Variants in FOXP1 observed in about 807,000 individuals in gnomAD.
FOXP1 encodes the protein forkhead box P1.
In FOXP1, 15 loss-of-function variants were observed where a neutral mutation model predicts 98.2. That is an observed-to-expected ratio of 0.15 (90% CI 0.10 to 0.24). FOXP1 has a LOEUF of 0.24. Ranked by LOEUF, FOXP1 falls within the 10% of genes least tolerant of loss-of-function variation. FOXP1 has a pLI of 1.00. For missense variants in FOXP1, 633 were observed against 848.5 expected, an observed-to-expected ratio of 0.75 and a Z score of 3.15; for synonymous variants, 371 against 314.5, an observed-to-expected ratio of 1.18 and a Z score of -1.90.
chr3:71,113,757 T>TAAAATAAAATAAAATAAAATAAAAC (rs1237178658), intron 6 of FOXP1, among the ~76,000 whole-genome samples: 1 of 150,384 alleles, frequency 6.6e-6, no homozygotes, highest in Admixed American at 6.6e-5. Flanking sequence ...TAAAATAAAA[T>TAAAATAAAATAAAATAAAATAAAAC]AAAAGGTCAA....
At chr3:71,077,790 C>T (rs951119991) in intron 7 of FOXP1, among the ~76,000 whole-genome samples, 1 of 151,958 alleles carries the variant, frequency 6.6e-6, no homozygotes, top group Non-Finnish European at 1.5e-5. Flanking sequence ...TTACTCCCCT[C>T]TCACTTCCTC....
At chr3:71,112,900 T>C (rs2058058092) in intron 6 of FOXP1, among the ~76,000 whole-genome samples, 1 of 152,082 alleles carries the variant, frequency 6.6e-6, no homozygotes, top group African/African-American at 2.4e-5. Flanking sequence ...AGATCTGACA[T>C]GAAATTTAAG....
At chr3:71,251,204 G>A (rs1236179210) in intron 5 of FOXP1, among the ~76,000 whole-genome samples, 1 of 152,212 alleles carries the variant, frequency 6.6e-6, no homozygotes, top group Non-Finnish European at 1.5e-5. Context: ...CACATTGAAT[G>A]TAAACTGTGT....
chr3:71,330,818 C>T (rs2076246623), intron 4 of FOXP1, among the ~76,000 whole-genome samples: 1 of 152,232 alleles, frequency 6.6e-6, no homozygotes, highest in Admixed American at 6.5e-5. Flanking sequence ...TTTGCAGAAG[C>T]ACAGTTTTTG....
At chr3:71,396,367 T>C (rs1394364362) in intron 3 of FOXP1, among the ~76,000 whole-genome samples, 1 of 152,146 alleles carries the variant, frequency 6.6e-6, no homozygotes, top group African/African-American at 2.4e-5. Flanking sequence ...GTTAGTTTAA[T>C]CAACTCAAGT....
In FOXP1 at chr3:71,207,757, T is replaced by A. The variant is rs149458697; in HGVS notation, c.-11-9365A>T. On this transcript the variant is annotated intron_variant, in intron 5 of 20. Coordinates refer to ENST00000649528, the MANE Select transcript of FOXP1 (RefSeq NM_001349338.3). Reference sequence around the variant, plus strand: ...ATAACTTAAAAAAAAAATGATGATATGATGCGAGCTGAGAGTTTTCTCTAC... The same window carrying A: ...ATAACTTAAAAAAAAAATGATGATAAGATGCGAGCTGAGAGTTTTCTCTAC... Among the ~76,000 whole-genome samples the A allele has an allele frequency of 1.1e-3, 171 of 152,166 alleles. 2 individuals carry two copies. The East Asian group carries it at 0.028, about 25-fold the overall frequency.
chr3:71,251,668 A>C (rs2068198855), intron 5 of FOXP1, among the ~76,000 whole-genome samples: 1 of 152,232 alleles, frequency 6.6e-6, no homozygotes, highest in Admixed American at 6.5e-5. Flanking sequence ...AGAGAGCTTA[A>C]GATGGGATAA....
intron 2 of FOXP1, among the ~76,000 whole-genome samples, chr3:71,499,500 A>C (rs1441706917): frequency 6.6e-6 from 1 of 152,246 alleles, no homozygotes; most frequent in Non-Finnish European, 1.5e-5. Context: ...ATACATCTTC[A>C]TAATTGTTCG....
rs1031047463 is a variant in FOXP1, at chr3:71,041,663, T to TC, written c.665-132dup. On this transcript the variant is annotated intron_variant, in intron 10 of 20. Transcript: ENST00000649528. ...GTTTTTCGGTGTGTGCAGTTTTTTT[T>TC]CCCCTCCCAACTACGGCAGATGCGG... is the stretch of plus-strand genomic sequence containing the variant. The TC allele has an allele frequency of 2.2e-5, 18 of 835,906 alleles. No homozygotes were observed. In the African/African-American group the frequency reaches 2.4e-4, roughly 11 times the overall value. 51.8% of individuals were successfully genotyped at this position (835,906 alleles called of 1,614,324 possible). A position where few individuals can be genotyped will look rare whatever the true frequency, so the allele number is the denominator to read the frequency against.
intron 2 of FOXP1, among the ~76,000 whole-genome samples, chr3:71,543,119 C>T (rs2045013414): frequency 6.6e-6 from 1 of 152,150 alleles, no homozygotes; most frequent in South Asian, 2.1e-4. Context: ...CGAGTTATTC[C>T]CCGCTTCGGC....
At chr3:71,106,681 A>G (rs1194211526) in intron 7 of FOXP1, among the ~76,000 whole-genome samples, 4 of 151,808 alleles carry the variant, frequency 2.6e-5, no homozygotes, top group African/African-American at 9.7e-5. Flanking sequence ...ACTGGCCTCA[A>G]ACTCCTGAGC....
chr3:71,514,395 T>C (rs1386525543), intron 2 of FOXP1, among the ~76,000 whole-genome samples: 1 of 152,228 alleles, frequency 6.6e-6, no homozygotes, highest in Non-Finnish European at 1.5e-5. Context: ...GTTTTTCTTC[T>C]CCTGCACACC....
intron 11 of FOXP1, among the ~76,000 whole-genome samples, chr3:71,027,326 A>G (rs1449643928): frequency 1.3e-5 from 2 of 152,198 alleles, no homozygotes; most frequent in African/African-American, 2.4e-5. Context: ...GAAGTCAGCA[A>G]AAGATTTCTA....
chr3:71,257,635 A>T (rs2068748201), intron 5 of FOXP1, among the ~76,000 whole-genome samples: 1 of 152,048 alleles, frequency 6.6e-6, no homozygotes, highest in East Asian at 1.9e-4. Flanking sequence ...AGGTGACTAA[A>T]AGGAGGAAAT....
intron 3 of FOXP1, among the ~76,000 whole-genome samples, chr3:71,419,212 G>GT (rs2083439626): frequency 7.4e-6 from 1 of 134,848 alleles, no homozygotes; most frequent in African/African-American, 2.8e-5. Context: ...TCCAGCCTGG[G>GT]TGACAGAGGG....
intron 5 of FOXP1, among the ~76,000 whole-genome samples, chr3:71,214,990 C>T (rs1447407644): frequency 5.9e-5 from 9 of 152,162 alleles, no homozygotes; most frequent in African/African-American, 1.9e-4. Flanking sequence ...TGTGGACAGC[C>T]GCAAAGGCAT....
At chr3:71,478,835 G>A (rs991116142) in intron 3 of FOXP1, among the ~76,000 whole-genome samples, 1 of 152,182 alleles carries the variant, frequency 6.6e-6, no homozygotes, top group Non-Finnish European at 1.5e-5. Context: ...AATGTGTTAA[G>A]TCTCATAGAA....
chr3:71,577,139 A>T (rs923847202), intron 2 of FOXP1, among the ~76,000 whole-genome samples: 7 of 152,226 alleles, frequency 4.6e-5, no homozygotes, highest in African/African-American at 1.7e-4. Context: ...GGATTGAAAA[A>T]TGCCTTAGCA....
chr3:71,215,236 T>A (rs1311380844), intron 5 of FOXP1, among the ~76,000 whole-genome samples: 1 of 152,216 alleles, frequency 6.6e-6, no homozygotes, highest in African/African-American at 2.4e-5. Context: ...TATAAAATCA[T>A]GCTGTTCTGC....
Sources: allele counts gnomAD v4.1 joint callset (sites outside exome capture counted in the v4.1 genomes callset), GRCh38; gene constraint gnomAD v4.1.1; transcripts MANE v1.5; gene names NCBI Gene and HGNC (gene_info 2026-07-23, HGNC 2026-07-21).